CCDC102B: variants seen among roughly 807,000 people sequenced by gnomAD.
CCDC102B encodes coiled-coil domain containing 102B, also known as coiled-coil domain-containing protein 102B.
Under a neutral mutation model 57.4 loss-of-function variants are expected in CCDC102B, and 75 were observed. That is an observed-to-expected ratio of 1.31 (90% CI 1.08 to 1.58). The LOEUF (loss-of-function observed/expected upper bound fraction) is 1.58, where lower values mean the gene tolerates loss of function less well. CCDC102B is among the 40% of genes most tolerant of loss of function. CCDC102B has a pLI of 0.00. For synonymous variants in CCDC102B, 206 were observed against 201.9 expected, an observed-to-expected ratio of 1.02 and a Z score of -0.17; for missense variants, 636 against 582.6, an observed-to-expected ratio of 1.09 and a Z score of -0.94.
intron 6 of CCDC102B, among the ~76,000 whole-genome samples, chr18:68,998,660 C>T (rs895763881): frequency 5.3e-5 from 8 of 151,528 alleles, no homozygotes; most frequent in East Asian, 1.9e-4. Context: ...CCTGGCAAAC[C>T]ACTGGTATAG....
At chr18:68,995,721 G>A (rs545832121) in intron 6 of CCDC102B, among the ~76,000 whole-genome samples, 2 of 152,286 alleles carry the variant, frequency 1.3e-5, no homozygotes, top group South Asian at 4.1e-4. Flanking sequence ...CCAGGGCAGT[G>A]CAGAAGAAAA....
intron 7 of CCDC102B, among the ~76,000 whole-genome samples, chr18:69,020,117 A>G (rs568331900): frequency 6.6e-6 from 1 of 152,254 alleles, no homozygotes; most frequent in African/African-American, 2.4e-5. Context: ...TCTATAAATA[A>G]GAGGATGTTC....
At chr18:68,827,990 CATA>C (rs1436894165) in intron 1 of CCDC102B, among the ~76,000 whole-genome samples, 10 of 151,792 alleles carry the variant, frequency 6.6e-5, no homozygotes, top group Non-Finnish European at 1.3e-4. Flanking sequence ...AGGGAAATTT[CATA>C]ATGATAAAAG....
chr18:68,764,363 G>A (rs191199451), intron 2 of CCDC102B, among the ~76,000 whole-genome samples: 89 of 152,248 alleles, frequency 5.8e-4, no homozygotes, highest in African/African-American at 2.1e-3. Context: ...ACCCTATGAG[G>A]AAAGTTTGCA....
intron 1 of CCDC102B, among the ~76,000 whole-genome samples, chr18:68,819,121 T>A (rs551385896): frequency 6.6e-6 from 1 of 152,278 alleles, no homozygotes; most frequent in South Asian, 2.1e-4. Context: ...ATAAAATACT[T>A]TTTATAAATA....
intron 6 of CCDC102B, among the ~76,000 whole-genome samples, chr18:68,957,526 T>C (rs1471783873): frequency 1.3e-5 from 2 of 151,178 alleles, no homozygotes; most frequent in Non-Finnish European, 2.9e-5. Flanking sequence ...CTCTGTAGTA[T>C]AATTTGCAGC....
chr18:68,717,349 A>G (rs188406571), intron 2 of CCDC102B, among the ~76,000 whole-genome samples: 1 of 152,256 alleles, frequency 6.6e-6, no homozygotes, highest in South Asian at 2.1e-4. Context: ...GGGAGAAAGT[A>G]TAAAACTGTA....
At chr18:68,852,577 C>A (rs751526981) in intron 4 of CCDC102B, among the ~76,000 whole-genome samples, 10 of 152,130 alleles carry the variant, frequency 6.6e-5, no homozygotes, top group Admixed American at 3.9e-4. Context: ...TGGCACCTGG[C>A]AAATTCAAAT....
intron 7 of CCDC102B, among the ~76,000 whole-genome samples, chr18:69,043,989 A>G (rs989046048): frequency 1.3e-5 from 2 of 152,146 alleles, no homozygotes; most frequent in African/African-American, 4.8e-5. Context: ...GGTCCAAGAA[A>G]GTGATTTTTT....
At chr18:68,945,310 C>A (rs1378820843) in intron 6 of CCDC102B, among the ~76,000 whole-genome samples, 2 of 152,022 alleles carry the variant, frequency 1.3e-5, no homozygotes, top group Non-Finnish European at 2.9e-5. Context: ...ATCAATGAAT[C>A]ATCTGCATTG....
At chr18:68,918,606 G>A (rs1237198201) in intron 6 of CCDC102B, among the ~76,000 whole-genome samples, 5 of 152,150 alleles carry the variant, frequency 3.3e-5, no homozygotes, top group Admixed American at 2.0e-4. Flanking sequence ...CTATTACTTG[G>A]AATTAAATCA....
At chr18:69,010,900 T>TATAAATAATG in intron 6 of CCDC102B, 34 bp from the exon 7 acceptor site, 1 of 1,515,662 alleles carries the variant, frequency 6.6e-7, no homozygotes, top group Non-Finnish European at 8.9e-7. Context: ...CAGAATAGAC[T>TATAAATAATG]ATAAATAATG....
At chr18:68,769,158 C>T (rs2034557440) in intron 2 of CCDC102B, among the ~76,000 whole-genome samples, 1 of 151,078 alleles carries the variant, frequency 6.6e-6, no homozygotes, top group African/African-American at 2.4e-5. Flanking sequence ...GAGGCTGAGG[C>T]AGGAGAATGG....
At chr18:68,759,320 G>T (rs2034173392) in intron 2 of CCDC102B, among the ~76,000 whole-genome samples, 1 of 152,044 alleles carries the variant, frequency 6.6e-6, no homozygotes, top group Non-Finnish European at 1.5e-5. Context: ...AATTTTATAG[G>T]AACTTAAAGA....
At chr18:68,948,059 C>T (rs2049589822) in intron 6 of CCDC102B, among the ~76,000 whole-genome samples, 1 of 151,964 alleles carries the variant, frequency 6.6e-6, no homozygotes, top group African/African-American at 2.4e-5. Context: ...AATGCTTTTG[C>T]AATATATATA....
intron 2 of CCDC102B, among the ~76,000 whole-genome samples, chr18:68,777,990 A>C (rs2034881274): frequency 6.6e-6 from 1 of 152,140 alleles, no homozygotes; most frequent in Non-Finnish European, 1.5e-5. Context: ...AGCTTGCATA[A>C]GGGTATTCAT....
chr18:69,044,095 A>C (rs1388022273), intron 7 of CCDC102B, among the ~76,000 whole-genome samples: 1 of 152,102 alleles, frequency 6.6e-6, no homozygotes, highest in Non-Finnish European at 1.5e-5. Context: ...TACATTACCA[A>C]CACTACATTG....
chr18:68,886,490 A>G (rs1366062739), intron 5 of CCDC102B, among the ~76,000 whole-genome samples: 2 of 152,166 alleles, frequency 1.3e-5, no homozygotes. Context: ...GTTAACATGG[A>G]AGAAATCTTC....
chr18:68,845,090 G>A (rs977130255), intron 3 of CCDC102B, among the ~76,000 whole-genome samples: 1 of 151,636 alleles, frequency 6.6e-6, no homozygotes, highest in African/African-American at 2.4e-5. Context: ...CAATTTTGTG[G>A]CTTGATTTAT....
Sources: gnomAD v4.1 joint callset for allele counts (sites outside exome capture counted in the v4.1 genomes callset) on GRCh38, gnomAD v4.1.1 for gene constraint, MANE v1.5 for transcripts, NCBI Gene and HGNC (gene_info 2026-07-23, HGNC 2026-07-21) for gene names.